Variants in SNTB2 observed in about 807,000 individuals in gnomAD.
SNTB2 encodes beta-2-syntrophin.
SNTB2 carries 34 observed loss-of-function variants against 46.2 expected under a neutral mutation model. The observed-to-expected ratio is 0.74, with a 90% CI of 0.56 to 0.98. The LOEUF (loss-of-function observed/expected upper bound fraction) is 0.98, where lower values mean the gene tolerates loss of function less well. Ranked by LOEUF, SNTB2 falls within the 50% of genes least tolerant of loss-of-function variation. The probability of loss-of-function intolerance (pLI) is 0.00; values close to 1 mark genes in which losing one functional copy is unlikely to be tolerated. For missense variants in SNTB2, 603 were observed against 731.4 expected, an observed-to-expected ratio of 0.82 and a Z score of 2.02; for synonymous variants, 290 against 312.6, an observed-to-expected ratio of 0.93 and a Z score of 0.76.
intron 2 of SNTB2, among the ~76,000 whole-genome samples, chr16:69,256,781 G>T (rs1964780774): frequency 6.6e-6 from 1 of 152,146 alleles, no homozygotes; most frequent in Non-Finnish European, 1.5e-5. Context: ...ATAAACATGG[G>T]TGTACAAATG....
intron 1 of SNTB2, among the ~76,000 whole-genome samples, chr16:69,212,103 T>C (rs1964294214): frequency 6.6e-6 from 1 of 152,130 alleles, no homozygotes; most frequent in Non-Finnish European, 1.5e-5. Context: ...AACCCTACAC[T>C]CTAGCCTTTC....
intron 5 of SNTB2, among the ~76,000 whole-genome samples, chr16:69,296,763 T>C (rs1199678797): frequency 1.3e-5 from 2 of 151,392 alleles, no homozygotes; most frequent in African/African-American, 4.9e-5. Context: ...GCCAAGCACT[T>C]TGGGAGCCCA....
At chr16:69,220,352 G>A (rs1450342444) in intron 1 of SNTB2, among the ~76,000 whole-genome samples, 4 of 150,002 alleles carry the variant, frequency 2.7e-5, no homozygotes, top group Non-Finnish European at 5.9e-5. Flanking sequence ...TAGTAGAGAC[G>A]GGGTTTCATC....
intron 1 of SNTB2, among the ~76,000 whole-genome samples, chr16:69,242,439 TAG>T (rs769377951): frequency 1.3e-4 from 20 of 151,944 alleles, no homozygotes; most frequent in Non-Finnish European, 2.4e-4. Flanking sequence ...AAAATTAAGA[TAG>T]AGTTTGAACA....
At chr16:69,297,133 C>G (rs780225282) in intron 5 of SNTB2, among the ~76,000 whole-genome samples, 4 of 150,724 alleles carry the variant, frequency 2.7e-5, no homozygotes, top group Non-Finnish European at 4.4e-5. Flanking sequence ...GGCAAAACCC[C>G]GTCTCTACTA....
At chr16:69,231,919 A>G (rs994010932) in intron 1 of SNTB2, among the ~76,000 whole-genome samples, 1 of 152,180 alleles carries the variant, frequency 6.6e-6, no homozygotes, top group Non-Finnish European at 1.5e-5. Flanking sequence ...TTTAAATTCA[A>G]TTAAGAAATT....
chr16:69,195,031 TAATA>T lies in SNTB2; in HGVS notation c.580+7289_580+7292del, dbSNP rs889667684. On this transcript the variant is annotated intron_variant, in intron 1 of 6. Transcript: ENST00000336278. ...AAAAATGCTTGACATGTCAAGTGAA[TAATA>T]AATTATTTTCAGTATTTTATTGGTA... Among the ~76,000 whole-genome samples, 22 of 152,330 alleles carry T rather than the reference TAATA, an allele frequency of 1.4e-4. 1 individual carries two copies. Among genetic ancestry groups the T allele is most frequent in the Admixed American group, 1.2e-3 (19 of 15,304 alleles).
At chr16:69,222,742 A>G (rs1341959290) in intron 1 of SNTB2, among the ~76,000 whole-genome samples, 2 of 152,110 alleles carry the variant, frequency 1.3e-5, no homozygotes, top group South Asian at 2.1e-4. Context: ...AAAGATGACT[A>G]TTTTATCTCT....
intron 1 of SNTB2, among the ~76,000 whole-genome samples, chr16:69,232,427 C>T (rs1964515352): frequency 6.7e-6 from 1 of 149,248 alleles, no homozygotes; most frequent in South Asian, 2.1e-4. Context: ...GGATGGTCTC[C>T]ATCTCCTGAC....
chr16:69,219,701 A>C (rs1218375678), intron 1 of SNTB2, among the ~76,000 whole-genome samples: 1 of 151,570 alleles, frequency 6.6e-6, no homozygotes, highest in Non-Finnish European at 1.5e-5. Context: ...ATAGTCATAG[A>C]AACCAGATTT....
At chr16:69,289,881 C>T (rs1163262232) in intron 5 of SNTB2, among the ~76,000 whole-genome samples, 6 of 152,124 alleles carry the variant, frequency 3.9e-5, no homozygotes, top group African/African-American at 1.4e-4. Context: ...ATGATTACGT[C>T]ACTGCACTCC....
rs936224772 is a variant in SNTB2 at position 69,301,374 on chromosome 16, C to G, written c.*450C>G. The G allele has an allele frequency of 1.8e-5, 3 of 164,344 alleles. No individual in the cohort carries two copies. Among genetic ancestry groups the G allele is most frequent in the African/African-American group, 7.2e-5 (3 of 41,618 alleles). 10.2% of individuals were successfully genotyped at this position (164,344 alleles called of 1,614,324 possible). On this transcript the variant is annotated 3_prime_UTR_variant, in exon 7 of 7. Transcript: ENST00000336278. ...CTTCCCAGGTGCTAGCTTGCAGCAGCCTGTTGCTTCCTGAGCATTCCAGAT... is the reference window on the plus strand; with the variant it reads ...CTTCCCAGGTGCTAGCTTGCAGCAGGCTGTTGCTTCCTGAGCATTCCAGAT...
intron 1 of SNTB2, among the ~76,000 whole-genome samples, chr16:69,214,153 G>A (rs910708125): frequency 1.4e-5 from 2 of 144,634 alleles, no homozygotes; most frequent in East Asian, 2.0e-4. Context: ...TTTTTTTTGA[G>A]ACAGTCTCGC....
chr16:69,280,239 G>GAA (rs960597617), intron 4 of SNTB2, among the ~76,000 whole-genome samples: 100 of 152,324 alleles, frequency 6.6e-4, no homozygotes, highest in African/African-American at 2.1e-3. Flanking sequence ...AGAACAAAAT[G>GAA]AAAAGTCTCC....
chr16:69,200,620 TTGAGTACA>T (rs1156509713), intron 1 of SNTB2, among the ~76,000 whole-genome samples: 1 of 152,152 alleles, frequency 6.6e-6, no homozygotes, highest in Non-Finnish European at 1.5e-5. Flanking sequence ...AGTGATAAAA[TTGAGTACA>T]TGAGTTTTCA....
At chr16:69,188,132 C>T (rs953136755) in intron 1 of SNTB2, among the ~76,000 whole-genome samples, 4 of 148,722 alleles carry the variant, frequency 2.7e-5, no homozygotes, top group African/African-American at 9.9e-5. Context: ...TCGGGGCGGG[C>T]GGGTCTATTA....
chr16:69,232,269 G>T (rs1964513258), intron 1 of SNTB2, among the ~76,000 whole-genome samples: 2 of 146,980 alleles, frequency 1.4e-5, no homozygotes, highest in South Asian at 4.3e-4. Context: ...GCAGTGGTGT[G>T]ATCTCAGCTC....
intron 5 of SNTB2, among the ~76,000 whole-genome samples, chr16:69,286,877 G>A (rs1170153610): frequency 6.6e-6 from 1 of 152,074 alleles, no homozygotes; most frequent in Non-Finnish European, 1.5e-5. Context: ...GTGAGACCTT[G>A]TCTCTTAAAA....
chr16:69,193,019 G>A (rs1173908137), intron 1 of SNTB2, among the ~76,000 whole-genome samples: 1 of 152,008 alleles, frequency 6.6e-6, no homozygotes, highest in Admixed American at 6.6e-5. Flanking sequence ...TCTTGAATGT[G>A]TTATGGAAAG....
Sources: allele counts gnomAD v4.1 joint callset (sites outside exome capture counted in the v4.1 genomes callset), GRCh38; gene constraint gnomAD v4.1.1; transcripts MANE v1.5; gene names NCBI Gene and HGNC (gene_info 2026-07-23, HGNC 2026-07-21).